FAM227B: variants seen among roughly 807,000 people sequenced by gnomAD.
FAM227B encodes protein FAM227B.
Under a neutral mutation model 73.8 loss-of-function variants are expected in FAM227B, and 88 were observed. The observed-to-expected ratio is 1.19, with a 90% confidence interval of 1.00 to 1.42. FAM227B has a LOEUF of 1.42. FAM227B is among the 40% of genes most tolerant of loss of function. FAM227B has a pLI of 0.00. For synonymous variants in FAM227B, 210 were observed against 190.5 expected (o/e 1.10, Z -0.84); for missense variants, 632 against 590.9 (o/e 1.07, Z -0.72).
chr15:49,524,989 G>A (rs561682645), intron 10 of FAM227B, among the ~76,000 whole-genome samples: 1 of 152,324 alleles, frequency 6.6e-6, no homozygotes, highest in South Asian at 2.1e-4. Context: ...ATAGGCAGAA[G>A]GGGCTTGCCT....
At chr15:49,493,831 G>T (rs937467759) in intron 11 of FAM227B, among the ~76,000 whole-genome samples, 1 of 150,228 alleles carries the variant, frequency 6.7e-6, no homozygotes, top group African/African-American at 2.4e-5. Flanking sequence ...ATCTATTTCA[G>T]TTACACAAAT....
intron 11 of FAM227B, among the ~76,000 whole-genome samples, chr15:49,466,251 T>A (rs1490514282): frequency 1.3e-5 from 2 of 152,162 alleles, no homozygotes. Flanking sequence ...AACCTGAAAA[T>A]CTTTTAGAGT....
intron 11 of FAM227B, among the ~76,000 whole-genome samples, chr15:49,473,982 C>G (rs1468755352): frequency 6.6e-6 from 1 of 152,048 alleles, no homozygotes. Flanking sequence ...ATATATAATA[C>G]ATATTTAAAC....
rs780889968 is a variant in FAM227B at position 49,568,346 on chromosome 15, G to T, written c.646C>A (p.Pro216Thr). 7 of 1,600,282 alleles carry T rather than the reference G, an allele frequency of 4.4e-6. No individual in the cohort carries two copies. The African/African-American group carries it at 8.1e-5, about 18-fold the overall frequency. ...FWWWFLHKFR[P>T]DRENQDCLFD... ...AAGCAATCTTGGTTTTCTCTGTCAGGCTTAAAAAAATGTGTGAAATTAAAG... is the reference window on the plus strand; with the variant it reads ...AAGCAATCTTGGTTTTCTCTGTCAGTCTTAAAAAAATGTGTGAAATTAAAG... The change falls in exon 9 of 16, where the codon CCT becomes ACT. Residue 216 changes from proline to threonine, a missense_variant and splice_region_variant. Physicochemically the swap from Pro to Thr is conservative, Grantham distance 38. Coordinates refer to ENST00000299338, the MANE Select transcript of FAM227B (RefSeq NM_152647.3).
intron 10 of FAM227B, among the ~76,000 whole-genome samples, chr15:49,521,838 A>G (rs2059810409): frequency 6.6e-6 from 1 of 152,172 alleles, no homozygotes; most frequent in African/African-American, 2.4e-5. Context: ...CCTGCCAAAG[A>G]TGAGGAGATG....
chr15:49,549,479 T>C (rs2072479722), intron 9 of FAM227B, among the ~76,000 whole-genome samples: 1 of 152,130 alleles, frequency 6.6e-6, no homozygotes, highest in Non-Finnish European at 1.5e-5. Context: ...TGGCCTGGCC[T>C]TCCACAGTGT....
chr15:49,376,029 A>G (rs146871398), intron 11 of FAM227B, among the ~76,000 whole-genome samples: 104 of 152,208 alleles, frequency 6.8e-4, no homozygotes, highest in African/African-American at 2.5e-3. Context: ...TATTATTGAT[A>G]TGTGTTCCTC....
At chr15:49,544,894 G>C (rs768893654) in intron 9 of FAM227B, among the ~76,000 whole-genome samples, 2 of 152,142 alleles carry the variant, frequency 1.3e-5, no homozygotes, top group Non-Finnish European at 2.9e-5. Context: ...TATGCTGTTG[G>C]AATTGGTTAG....
intron 11 of FAM227B, among the ~76,000 whole-genome samples, chr15:49,460,315 T>C (rs1486420673): frequency 6.6e-6 from 1 of 152,172 alleles, no homozygotes; most frequent in Non-Finnish European, 1.5e-5. Context: ...TAACAATATG[T>C]TGAGACAAAC....
intron 3 of FAM227B, among the ~76,000 whole-genome samples, chr15:49,602,014 G>A (rs1431782503): frequency 6.6e-6 from 1 of 152,156 alleles, no homozygotes; most frequent in Non-Finnish European, 1.5e-5. Flanking sequence ...ATGTGTAAAG[G>A]TACCACATTC....
chr15:49,549,660 C>G (rs892751617), intron 9 of FAM227B, among the ~76,000 whole-genome samples: 2 of 151,990 alleles, frequency 1.3e-5, no homozygotes, highest in East Asian at 3.9e-4. Flanking sequence ...GGTCACAGAT[C>G]AACAGGATAA....
intron 11 of FAM227B, among the ~76,000 whole-genome samples, chr15:49,386,030 T>C (rs141505274): frequency 2.1e-4 from 32 of 152,032 alleles, no homozygotes; most frequent in African/African-American, 7.2e-4. Flanking sequence ...AGAAATGAGA[T>C]TGACAGCAAA....
At chr15:49,615,268 G>C (rs2078216207) in intron 1 of FAM227B, 25 bp from the exon 2 acceptor site, 1 of 994,258 alleles carries the variant, frequency 1.0e-6, no homozygotes, top group South Asian at 1.3e-5. Flanking sequence ...ACACCCAAAT[G>C]CAAAAATAAA....
At chr15:49,503,147 C>G in intron 11 of FAM227B, among the ~76,000 whole-genome samples, 1 of 152,106 alleles carries the variant, frequency 6.6e-6, no homozygotes. Flanking sequence ...TGATCTTTGA[C>G]AAACCTGACA....
intron 11 of FAM227B, among the ~76,000 whole-genome samples, chr15:49,397,687 C>CA (rs2047792304): frequency 6.6e-6 from 1 of 152,056 alleles, no homozygotes; most frequent in Admixed American, 6.5e-5. Flanking sequence ...GAGTGGGGGC[C>CA]AATATTCAAA....
intron 10 of FAM227B, among the ~76,000 whole-genome samples, chr15:49,512,303 T>C (rs774919942): frequency 4.6e-5 from 7 of 152,130 alleles, no homozygotes; most frequent in Admixed American, 6.6e-5. Flanking sequence ...TTGAAAGTAA[T>C]GTATATTTTT....
chr15:49,418,941 G>A (rs1431758166), intron 11 of FAM227B, among the ~76,000 whole-genome samples: 1 of 151,996 alleles, frequency 6.6e-6, no homozygotes, highest in Non-Finnish European at 1.5e-5. Flanking sequence ...TTATTCTAGG[G>A]TTTCCCTCTT....
chr15:49,603,143 T>C (rs1181612431), intron 3 of FAM227B, among the ~76,000 whole-genome samples: 1 of 152,228 alleles, frequency 6.6e-6, no homozygotes, highest in Non-Finnish European at 1.5e-5. Flanking sequence ...TGCGGTTTCA[T>C]ATAAATTTTA....
intron 11 of FAM227B, among the ~76,000 whole-genome samples, chr15:49,492,219 T>C (rs2057175843): frequency 6.6e-6 from 1 of 151,904 alleles, no homozygotes; most frequent in Non-Finnish European, 1.5e-5. Context: ...TTGATAGCAT[T>C]GATAGTGATG....
Sources: gnomAD v4.1 joint callset for allele counts (sites outside exome capture counted in the v4.1 genomes callset) on GRCh38, gnomAD v4.1.1 for gene constraint, MANE v1.5 for transcripts, NCBI Gene and HGNC (gene_info 2026-07-23, HGNC 2026-07-21) for gene names.